The following COL6A2 variants were observed in gnomAD, a reference collection of about 807,000 sequenced individuals.
COL6A2 encodes the protein collagen alpha-2(VI) chain.
A neutral mutation model predicts 124.9 loss-of-function variants in COL6A2; 90 were observed. The ratio of observed to expected loss-of-function variants is 0.72; its 90% CI spans 0.61 to 0.86. COL6A2 has a LOEUF of 0.86. Among genes scored for constraint, COL6A2 ranks in the 40% least tolerant of loss-of-function variants. The pLI, the probability that COL6A2 is intolerant of heterozygous loss-of-function variation, is 0.00. For synonymous variants in COL6A2, 793 were observed against 618.2 expected, an observed-to-expected ratio of 1.28 and a Z score of -4.19; for missense variants, 1,607 against 1,502.5, an observed-to-expected ratio of 1.07 and a Z score of -1.15.
chr21:46,126,331 G>T, intron 26 of COL6A2, 94 bp downstream of exon 26: 2 of 1,517,674 alleles, frequency 1.3e-6, no homozygotes, highest in Non-Finnish European at 1.8e-6. Context: ...CCTGAGGGAT[G>T]AATGTGCAGC....
rs372188653 is a variant in COL6A2 at position 46,122,954 on chromosome 21, C to T, written c.1671+17C>T. The stretch of plus-strand genomic sequence containing the variant: ...GGAGAGCCTGTGAGTGTCACCGTCC[C>T]GAAGCCCACAGCAGCTGGGCAGAGG... On this transcript the variant is annotated intron_variant, in intron 21 of 27. Coordinates refer to ENST00000300527, the MANE Select transcript of COL6A2 (RefSeq NM_001849.4). 3.8e-5 allele frequency: 61 copies of T among 1,612,052 alleles called. No homozygotes were observed. Among genetic ancestry groups the T allele is most frequent in the East Asian group, 3.6e-4 (16 of 44,858 alleles).
rs765234923 is a variant in COL6A2 at position 46,112,241 on chromosome 21, C to G, written c.378C>G (p.Ser126Arg). The G allele has an allele frequency of 6.8e-6, 11 of 1,612,752 alleles. No homozygotes were observed. Among genetic ancestry groups the G allele is most frequent in the Non-Finnish European group, 8.5e-6 (10 of 1,180,026 alleles). ...ASFIKNLQGI[S>R]SFRRGTFTDC... Reference sequence around the variant, plus strand: ...TCATCAAGAACCTGCAGGGCATCAGCTCCTTCCGCCGCGGCACCTTCACCG... The same window carrying G: ...TCATCAAGAACCTGCAGGGCATCAGGTCCTTCCGCCGCGGCACCTTCACCG... The change falls in exon 3 of 28, where the codon AGC becomes AGG. Residue 126 changes from serine to arginine, a missense_variant. Around this residue, in one of 3 missense-constraint regions of COL6A2, gnomAD observed 342 missense variants for 381.5 expected, o/e 0.90. Transcript: ENST00000300527.
rs996652538 is a variant in COL6A2, at chr21:46,132,723, C to G, written c.*171C>G. 9 of 670,028 alleles carry G rather than the reference C, an allele frequency of 1.3e-5. No homozygotes were observed. In the South Asian group the frequency reaches 1.6e-4, roughly 12 times the overall value. The allele number at this position is 670,028 out of a possible 1,614,324, so 41.5% of individuals were successfully genotyped here. ...CCGTAGCCCCGGCCCCCGCCCAGCC[C>G]CAGGTCTCCCCAGGCCCTCCGCAGG... On this transcript the variant is annotated 3_prime_UTR_variant, in exon 28 of 28. Coordinates refer to ENST00000300527, the MANE Select transcript of COL6A2 (RefSeq NM_001849.4).
intron 14 of COL6A2, among the ~76,000 whole-genome samples, chr21:46,119,494 C>A (rs963047220): frequency 6.6e-6 from 1 of 152,210 alleles, no homozygotes; most frequent in Non-Finnish European, 1.5e-5. Context: ...CAGGCCCCAG[C>A]CCATCACCTA....
rs1042338524 is a variant in COL6A2 at position 46,125,543 on chromosome 21, C to T, written c.1895C>T (p.Thr632Ile). 6 of 1,612,856 alleles carry T rather than the reference C, an allele frequency of 3.7e-6. No individual in the cohort carries two copies. Among genetic ancestry groups the T allele is most frequent in the Non-Finnish European group, 5.1e-6 (6 of 1,179,984 alleles). ...GAGAGCATTGGGTACACCAACTTCA[C>T]ACTGGAGAAGAACTTCGTCATCAAC... ...SSESIGYTNF[T>I]LEKNFVINVV... The change falls in exon 25 of 28, where the codon ACA becomes ATA. Residue 632 changes from threonine to isoleucine, a missense_variant. Thr to Ile is a moderately conservative substitution (Grantham distance 89). Coordinates refer to ENST00000300527, the MANE Select transcript of COL6A2 (RefSeq NM_001849.4).
chr21:46,132,500 A>G lies in COL6A2; in HGVS notation c.3008A>G (p.Asp1003Gly), dbSNP rs1174824223. The change falls in exon 28 of 28, where the codon GAC becomes GGC. Residue 1003 changes from aspartate to glycine, a missense_variant. By Grantham distance (94) the Asp-to-Gly change is moderately conservative (BLOSUM62 -1). Transcript: ENST00000300527. ...RAAVFHEKDY[D>G]SLAQPGFFDR... ...GCCGTGTTCCACGAGAAGGACTATG[A>G]CAGCCTGGCGCAACCCGGCTTCTTC... 7 of 1,607,668 alleles carry G rather than the reference A, an allele frequency of 4.4e-6. No homozygotes were observed. In the Admixed American group the frequency reaches 1.2e-4, roughly 27 times the overall value.
chr21:46,129,326 G>C (rs143912540), intron 27 of COL6A2: 2 of 1,612,790 alleles, frequency 1.2e-6, no homozygotes, highest in Admixed American at 3.3e-5. Context: ...CGCAGGACCC[G>C]GCCGCCTACT....
chr21:46,112,209 G>T lies in COL6A2; in HGVS notation c.346G>T (p.Ala116Ser). 1 of 1,612,908 alleles carries T rather than the reference G, an allele frequency of 6.2e-7. No homozygotes were observed. Among genetic ancestry groups the T allele is most frequent in the East Asian group, 2.2e-5 (1 of 44,866 alleles). The change falls in exon 3 of 28, where the codon GCC (alanine) becomes TCC (serine). Residue 116 changes from alanine to serine, a missense_variant. Coordinates refer to ENST00000300527, the MANE Select transcript of COL6A2 (RefSeq NM_001849.4). ...EVFSPPGSDR[A>S]SFIKNLQGIS... ...GTTCAGCCCACCGGGCAGCGACCGGGCCTCCTTCATCAAGAACCTGCAGGG... is the reference window on the plus strand; with the variant it reads ...GTTCAGCCCACCGGGCAGCGACCGGTCCTCCTTCATCAAGAACCTGCAGGG...
Position 46,112,520 on chromosome 21 carries a change from G to C in COL6A2, c.657G>C (p.Met219Ile), listed in dbSNP as rs1280643624. 1 of 1,608,934 alleles carries C rather than the reference G, an allele frequency of 6.2e-7. No individual in the cohort carries two copies. Among genetic ancestry groups the C allele is most frequent in the South Asian group, 1.1e-5 (1 of 90,934 alleles). The change falls in exon 3 of 28, where the codon ATG (methionine) becomes ATC (isoleucine). Residue 219 changes from methionine to isoleucine, a missense_variant. This residue lies in a region of COL6A2 where 342 missense variants were observed against 381.5 expected (regional missense o/e 0.90). Coordinates refer to ENST00000300527, the MANE Select transcript of COL6A2 (RefSeq NM_001849.4). ...HELYRNDYAT[M>I]LPDSTEIDQD... ...TCTACCGCAACGACTACGCCACCATGCTGCCCGACTCCACCGAGATCGACC... is the reference window on the plus strand; with the variant it reads ...TCTACCGCAACGACTACGCCACCATCCTGCCCGACTCCACCGAGATCGACC...
At chr21:46,106,129 G>A (rs2123600257) in intron 1 of COL6A2, among the ~76,000 whole-genome samples, 1 of 152,324 alleles carries the variant, frequency 6.6e-6, no homozygotes, top group Non-Finnish European at 1.5e-5. Context: ...AAGGTTACAA[G>A]AGGGAAAGAA....
At position 46,116,940 on chromosome 21, in the gene COL6A2, C is replaced by A; in HGVS notation, c.999+126C>A. On this transcript the variant is annotated intron_variant, in intron 10 of 27. Coordinates refer to ENST00000300527, the MANE Select transcript of COL6A2 (RefSeq NM_001849.4). This position sits in a 1 kb window ranked among gnomAD's most constrained non-coding sequence, Gnocchi z 4.6. The stretch of plus-strand genomic sequence containing the variant: ...GTACACACGCATACACACACACACA[C>A]ACACACACACACACACGAACTTCAG... The A allele has an allele frequency of 2.5e-6, 2 of 812,642 alleles. No individual in the cohort carries two copies. Among genetic ancestry groups the A allele is most frequent in the South Asian group, 1.9e-5 (1 of 52,734 alleles). The allele number at this position is 812,642 out of a possible 1,614,324, so 50.3% of individuals were successfully genotyped here. A position where few individuals can be genotyped will look rare whatever the true frequency, so the allele number is the denominator to read the frequency against.
chr21:46,116,774 C>A lies in COL6A2; in HGVS notation c.959C>A (p.Ala320Asp), dbSNP rs1444127463. ...CCCTCTTCCTTCTCTCTTCAGGGGG[C>A]CCCTGGCCTGGCTGGCAAGAACGGG... ...GEFGADGRKG[A>D]PGLAGKNGTD... The change falls in exon 10 of 28, where the codon GCC becomes GAC. Residue 320 changes from alanine (A) to aspartate (D), a missense_variant. Coordinates refer to ENST00000300527, the MANE Select transcript of COL6A2 (RefSeq NM_001849.4). The surrounding 1 kb of genome is among the most constrained non-coding windows in gnomAD (Gnocchi z 4.6). 5.0e-6 allele frequency: 8 copies of A among 1,612,938 alleles called. No homozygotes were observed. The highest frequency in any genetic ancestry group is 2.7e-5 in the African/African-American group (2 of 74,924).
intron 21 of COL6A2, among the ~76,000 whole-genome samples, chr21:46,123,911 G>GTCAC (rs1428161087): frequency 3.6e-5 from 5 of 140,070 alleles, no homozygotes; most frequent in Non-Finnish European, 4.8e-5. Context: ...GGATGGGTGG[G>GTCAC]TGGATAGAGG....
Position 46,130,135 on chromosome 21 carries a change from T to C in COL6A2, c.2462-1819T>C, listed in dbSNP as rs556209142. On this transcript the variant is annotated intron_variant, in intron 27 of 27. Coordinates refer to ENST00000300527, the MANE Select transcript of COL6A2 (RefSeq NM_001849.4). The stretch of plus-strand genomic sequence containing the variant: ...TAGTCCTGGGGGAAGCTGGCAGTCC[T>C]GGCACCATGACGTATCTGGGCTGGT... Among the ~76,000 whole-genome samples, 352 of 152,308 alleles carry C rather than the reference T, an allele frequency of 2.3e-3. 1 individual carries two copies. Among genetic ancestry groups the C allele is most frequent in the African/African-American group, 8.1e-3 (335 of 41,570 alleles).
intron 1 of COL6A2, among the ~76,000 whole-genome samples, chr21:46,107,011 T>C (rs553386398): frequency 6.6e-6 from 1 of 152,212 alleles, no homozygotes; most frequent in Non-Finnish European, 1.5e-5. Flanking sequence ...CAGTTTAAGA[T>C]AGTGGGATGA....
rs765361834 is a variant in COL6A2 at position 46,112,428 on chromosome 21, G to A, written c.565G>A (p.Ala189Thr). The change falls in exon 3 of 28, where the codon GCC becomes ACC. Residue 189 changes from alanine to threonine, a missense_variant. Transcript: ENST00000300527. ...RAREEGIRLF[A>T]VAPNQNLKEQ... ...CCGCGAGGAGGGCATCCGGCTCTTC[G>A]CCGTGGCCCCCAACCAGAACCTGAA... 6.8e-6 allele frequency: 11 copies of A among 1,609,060 alleles called. No individual in the cohort carries two copies. Among genetic ancestry groups the A allele is most frequent in the South Asian group, 3.3e-5 (3 of 91,006 alleles).
At chr21:46,125,688 A>G in intron 25 of COL6A2, 71 bp downstream of exon 25, 1 of 1,591,650 alleles carries the variant, frequency 6.3e-7, no homozygotes, top group Non-Finnish European at 8.6e-7. Context: ...GAGATGGGAG[A>G]AGTCCAGACG....
At chr21:46,129,502 C>T in intron 27 of COL6A2, 3 of 1,552,244 alleles carry the variant, frequency 1.9e-6, no homozygotes, top group Admixed American at 3.6e-5. Context: ...AGCCCGGGCA[C>T]CCGCCCAGCC....
At position 46,124,747 on chromosome 21, in the gene COL6A2, C is replaced by T. The variant is rs529820297; in HGVS notation, c.1734+34C>T. On this transcript the variant is annotated intron_variant, in intron 22 of 27. Coordinates refer to ENST00000300527, the MANE Select transcript of COL6A2 (RefSeq NM_001849.4). ...GTGGCCAGTCCCCATGCCCTCCCCC[C>T]AACCTGCCAGGCCAACACACACCCA... 4.4e-6 allele frequency: 7 copies of T among 1,608,556 alleles called. No individual in the cohort carries two copies. In the East Asian group the frequency reaches 6.7e-5, roughly 15 times the overall value.
Sources: allele counts gnomAD v4.1 joint callset (sites outside exome capture counted in the v4.1 genomes callset), GRCh38; gene constraint gnomAD v4.1.1; regional missense constraint gnomAD v4.1.1; non-coding constraint Gnocchi (gnomAD v3.1); transcripts MANE v1.5; gene names NCBI Gene and HGNC (gene_info 2026-07-23, HGNC 2026-07-21).